Variants in MROH7 observed in about 807,000 individuals in gnomAD.
MROH7 encodes maestro heat-like repeat-containing protein family member 7.
A neutral mutation model predicts 129.2 loss-of-function variants in MROH7; 113 were observed. The ratio of observed to expected loss-of-function variants is 0.87; its 90% CI spans 0.75 to 1.02. MROH7 has a LOEUF of 1.02. MROH7 is among the 50% of genes least tolerant of loss of function. MROH7 has a pLI of 0.00. For synonymous variants in MROH7, 655 were observed against 667.9 expected (o/e 0.98, Z 0.30); for missense variants, 1,601 against 1,671.3 (o/e 0.96, Z 0.73).
intron 15 of MROH7, among the ~76,000 whole-genome samples, chr1:54,688,231 A>AT (rs1645181264): frequency 4.0e-5 from 6 of 148,946 alleles, no homozygotes; most frequent in African/African-American, 1.5e-4. Context: ...AAAAAAAAAA[A>AT]ATTTTTTTTT....
chr1:54,679,495 C>A lies in MROH7; in HGVS notation c.2226+56C>A. 1.9e-6 allele frequency: 3 copies of A among 1,556,808 alleles called. No homozygotes were observed. The East Asian group carries it at 6.8e-5, about 35-fold the overall frequency. ...GTCACTGGGGCTCGGGAGCTCCCCC[C>A]ATGGCCTGCTCATCACTGGCCGGCC... is the stretch of plus-strand genomic sequence containing the variant. On this transcript the variant is annotated intron_variant, in intron 12 of 23. Coordinates refer to ENST00000421030, the MANE Select transcript of MROH7 (RefSeq NM_001039464.4).
chr1:54,691,734 A>G (rs1392605858), intron 15 of MROH7, among the ~76,000 whole-genome samples: 5 of 148,804 alleles, frequency 3.4e-5, no homozygotes, highest in Non-Finnish European at 7.4e-5. Context: ...TTAACCCAGG[A>G]GGCAGAGATT....
intron 1 of MROH7, among the ~76,000 whole-genome samples, chr1:54,649,543 G>C (rs1233786181): frequency 6.6e-6 from 1 of 152,258 alleles, no homozygotes; most frequent in African/African-American, 2.4e-5. Context: ...GAGGACTGGG[G>C]GTAGGTCAGC....
chr1:54,688,763 C>T (rs1340481741), intron 15 of MROH7, among the ~76,000 whole-genome samples: 1 of 152,124 alleles, frequency 6.6e-6, no homozygotes, highest in African/African-American at 2.4e-5. Flanking sequence ...GAGAGCATTG[C>T]CCAGAAGGCT....
intron 21 of MROH7, among the ~76,000 whole-genome samples, chr1:54,704,340 C>T (rs533428838): frequency 1.3e-5 from 2 of 152,054 alleles, no homozygotes; most frequent in Non-Finnish European, 2.9e-5. Context: ...GCCCAGACCC[C>T]GTTGAAGGTA....
rs1557710834 is a variant in MROH7 at position 54,679,248 on chromosome 1, G to A, written c.2050-15G>A. On this transcript the variant is annotated splice_polypyrimidine_tract_variant and intron_variant, in intron 11 of 23. Transcript: ENST00000421030. ...TACCCATCAGTGTGTCATGATCTCA[G>A]CACCTTTGTTTCAGGAATTTGGAGA... 6.2e-7 allele frequency: 1 copy of A among 1,614,040 alleles called. No homozygotes were observed. The highest frequency in any genetic ancestry group is 8.5e-7 in the Non-Finnish European group (1 of 1,179,940).
intron 3 of MROH7, 62 bp from the exon 4 acceptor site, chr1:54,665,105 A>G (rs998492075): frequency 1.1e-5 from 14 of 1,322,422 alleles, no homozygotes; most frequent in Non-Finnish European, 4.3e-6. Context: ...GAGAGATGGC[A>G]TGATGGCATC....
At chr1:54,705,380 G>A (rs1645516082) in intron 21 of MROH7, among the ~76,000 whole-genome samples, 1 of 152,208 alleles carries the variant, frequency 6.6e-6, no homozygotes, top group African/African-American at 2.4e-5. Flanking sequence ...TCTTAGCTGA[G>A]TGAAATGGCC....
chr1:54,688,508 G>A (rs1377635288), intron 15 of MROH7, among the ~76,000 whole-genome samples: 2 of 152,192 alleles, frequency 1.3e-5, no homozygotes, highest in South Asian at 2.1e-4. Context: ...AAACAGTTGT[G>A]TAGTGGGCTT....
chr1:54,709,821 G>C (rs1645594355), intron 23 of MROH7, 125 bp from the exon 24 acceptor site: 2 of 1,143,638 alleles, frequency 1.7e-6, no homozygotes, highest in South Asian at 3.0e-5. Flanking sequence ...CAGGAGGAAA[G>C]TGAGATGAGG....
At chr1:54,654,940 C>A (rs749131180) in intron 3 of MROH7, among the ~76,000 whole-genome samples, 1 of 151,602 alleles carries the variant, frequency 6.6e-6, no homozygotes, top group Non-Finnish European at 1.5e-5. Context: ...TTTGTCCATG[C>A]GCCAATACTA....
intron 17 of MROH7, chr1:54,697,615 T>C: frequency 1.4e-6 from 1 of 699,700 alleles, no homozygotes; most frequent in Non-Finnish European, 2.6e-6. Context: ...AACACTTGTA[T>C]TGACCTCTTT....
At position 54,690,592 on chromosome 1, in the gene MROH7, C is replaced by T. The variant is rs181333228; in HGVS notation, c.2712-1832C>T. ...CCGAGTAGCTGGGACTACAGGCGCCCGCCACCACGCCCGGCTAATTTTTTG... is the reference window on the plus strand; with the variant it reads ...CCGAGTAGCTGGGACTACAGGCGCCTGCCACCACGCCCGGCTAATTTTTTG... On this transcript the variant is annotated intron_variant, in intron 15 of 23. Coordinates refer to ENST00000421030, the MANE Select transcript of MROH7 (RefSeq NM_001039464.4). 9.4e-3 allele frequency among the ~76,000 whole-genome samples: 1,423 copies of T among 152,028 alleles called. 124 individuals carry two copies. In the East Asian group the frequency reaches 0.2, roughly 22 times the overall value.
Position 54,673,120 on chromosome 1 carries a change from G to A in MROH7, c.1629G>A (p.Leu543=). The A allele has an allele frequency of 1.2e-6, 2 of 1,613,912 alleles. No homozygotes were observed. The highest frequency in any genetic ancestry group is 1.1e-5 in the South Asian group (1 of 91,058). Residue 543 remains leucine (L), a synonymous_variant, in exon 8 of 24, where the codon CTG becomes CTA. Transcript: ENST00000421030. ...TTTACCATCAGACCCTGGAGGCCCT[G>A]CAGACACTGCTCAAAGCCCTCTTTA... ...QALYHQTLEA[L]QTLLKALFIE... is the part of the protein sequence containing the mutation.
chr1:54,708,510 G>A (rs997538354), intron 22 of MROH7, among the ~76,000 whole-genome samples: 1 of 152,174 alleles, frequency 6.6e-6, no homozygotes, highest in African/African-American at 2.4e-5. Flanking sequence ...CAGGAGCCAG[G>A]CTCACAGGCT....
At chr1:54,687,368 C>A (rs1393980493) in intron 15 of MROH7, among the ~76,000 whole-genome samples, 1 of 152,228 alleles carries the variant, frequency 6.6e-6, no homozygotes. Context: ...AGCCACTGCA[C>A]CCGGCTGAGC....
At chr1:54,652,253 G>A (rs1655521) in intron 2 of MROH7, among the ~76,000 whole-genome samples, 46,668 of 152,030 alleles carry the variant, frequency 0.31, 7,365 homozygotes, top group South Asian at 0.51. Context: ...TCTCTGGTTT[G>A]GAGCACCCCA....
intron 3 of MROH7, among the ~76,000 whole-genome samples, chr1:54,662,160 C>T (rs969573831): frequency 6.6e-6 from 1 of 152,112 alleles, no homozygotes; most frequent in Non-Finnish European, 1.5e-5. Context: ...GGCGAGGCTA[C>T]AGTCAGCCAT....
chr1:54,647,671 C>T (rs773549636), intron 1 of MROH7, among the ~76,000 whole-genome samples: 40 of 150,802 alleles, frequency 2.7e-4, no homozygotes, highest in Non-Finnish European at 4.4e-4. Context: ...ACCCAGGAGG[C>T]GGAGGTTGCA....
Sources: allele counts gnomAD v4.1 joint callset (sites outside exome capture counted in the v4.1 genomes callset), GRCh38; gene constraint gnomAD v4.1.1; transcripts MANE v1.5; gene names NCBI Gene and HGNC (gene_info 2026-07-23, HGNC 2026-07-21).